The following CIB1 variants were observed in gnomAD, a reference collection of about 807,000 sequenced individuals.
CIB1 encodes the protein calcium and integrin-binding protein 1.
A neutral mutation model predicts 25.0 loss-of-function variants in CIB1; 19 were observed. The observed-to-expected ratio is 0.76, with a 90% CI of 0.53 to 1.12. The LOEUF is 1.12. Among genes scored for constraint, CIB1 ranks in the 50% most tolerant of loss-of-function variants. CIB1 has a pLI of 0.00. For synonymous variants in CIB1, 104 were observed against 98.5 expected (o/e 1.06, Z -0.33); for missense variants, 236 against 242.6 (o/e 0.97, Z 0.18).
chr15:90,262,211 C>T, the CIB1 span: 5 of 1,511,894 alleles, frequency 3.3e-6, no homozygotes, highest in Non-Finnish European at 3.5e-6. Flanking sequence ...CCGACATTCT[C>T]CTCTGCACAC....
the CIB1 span, chr15:90,264,120 A>G: frequency 4.3e-4 from 444 of 1,029,814 alleles, 2 homozygotes; most frequent in African/African-American, 6.5e-3. Context: ...GCAAGCATAG[A>G]GCTTGGATGC....
the CIB1 span, chr15:90,265,177 G>A: frequency 7.7e-7 from 1 of 1,295,884 alleles, no homozygotes; most frequent in Non-Finnish European, 1.0e-6. Flanking sequence ...AGAAGATGAA[G>A]AGGCGCCAAG....
At chr15:90,248,178 C>T in the CIB1 span, among the ~76,000 whole-genome samples, 1 of 152,130 alleles carries the variant, frequency 6.6e-6, no homozygotes, top group Non-Finnish European at 1.5e-5. Flanking sequence ...GTAGCTGGGA[C>T]TACAGGGCCT....
At chr15:90,233,972 G>A, upstream of CIB1, 1 of 1,381,882 alleles carries the variant, frequency 7.2e-7, no homozygotes, top group Non-Finnish European at 9.5e-7. Flanking sequence ...TCACTGCCCG[G>A]TCCCCGCGGC....
chr15:90,235,093 C>G (rs1247498605), upstream of CIB1, among the ~76,000 whole-genome samples: 1 of 152,162 alleles, frequency 6.6e-6, no homozygotes, highest in Non-Finnish European at 1.5e-5. Context: ...CCTATTGGCT[C>G]TCTGTCTTTC....
the CIB1 span, among the ~76,000 whole-genome samples, chr15:90,256,630 CTTCCTTCCTTCT>C: frequency 0.07 from 3,940 of 56,152 alleles, 105 homozygotes; most frequent in African/African-American, 0.13. Context: ...TCCTTCCTTC[CTTCCTTCCTTCT>C]TTCTTTCTCC....
the CIB1 span, among the ~76,000 whole-genome samples, chr15:90,254,785 G>A: frequency 5.9e-5 from 9 of 152,112 alleles, no homozygotes; most frequent in Non-Finnish European, 1.0e-4. Flanking sequence ...GGCAGAGGCC[G>A]CAGTGAGCTG....
chr15:90,264,750 T>C, the CIB1 span: 8 of 1,536,000 alleles, frequency 5.2e-6, no homozygotes, highest in Non-Finnish European at 7.0e-6. Context: ...CTAGAAGCCA[T>C]AAACCGAGTC....
chr15:90,259,747 A>T, the CIB1 span, among the ~76,000 whole-genome samples: 1 of 152,258 alleles, frequency 6.6e-6, no homozygotes, highest in African/African-American at 2.4e-5. Context: ...TGTCATAAAG[A>T]AACACAGAAA....
chr15:90,230,873 G>A (rs1596170069), intron 6 of CIB1, 61 bp downstream of exon 6: 2 of 1,394,602 alleles, frequency 1.4e-6, no homozygotes, highest in African/African-American at 2.8e-5. Flanking sequence ...CATGCCCTAG[G>A]CCCAGAGGCA....
chr15:90,235,416 A>T (rs550977216), upstream of CIB1, among the ~76,000 whole-genome samples: 38 of 152,216 alleles, frequency 2.5e-4, 1 homozygote, highest in South Asian at 5.0e-3. Context: ...AAATACAAAA[A>T]TTAGCCAGAC....
At chr15:90,256,598 TTTCTTTC>T in the CIB1 span, among the ~76,000 whole-genome samples, 12 of 31,314 alleles carry the variant, frequency 3.8e-4, 1 homozygote, top group Non-Finnish European at 5.4e-4. Context: ...TCTTTCTTTC[TTTCTTTC>T]TTTCCTTCCT....
chr15:90,260,623 T>C, the CIB1 span, among the ~76,000 whole-genome samples: 1 of 151,922 alleles, frequency 6.6e-6, no homozygotes, highest in South Asian at 2.1e-4. Context: ...GAGGCTGAGG[T>C]GGGCGGATCA....
chr15:90,247,018 C>T, the CIB1 span, among the ~76,000 whole-genome samples: 1 of 151,044 alleles, frequency 6.6e-6, no homozygotes, highest in Non-Finnish European at 1.5e-5. Context: ...CTGTGTCATC[C>T]AGGCTGGAGT....
the CIB1 span, among the ~76,000 whole-genome samples, chr15:90,252,375 C>A: frequency 6.6e-6 from 1 of 151,412 alleles, no homozygotes; most frequent in Non-Finnish European, 1.5e-5. Flanking sequence ...GAGACAGAGT[C>A]TTGCTATGTT....
At chr15:90,237,713 CT>C (rs770651390), upstream of CIB1, among the ~76,000 whole-genome samples, 2 of 151,394 alleles carry the variant, frequency 1.3e-5, no homozygotes, top group South Asian at 2.1e-4. Flanking sequence ...TTTTTTTCTC[CT>C]TTTTTTGGTT....
At chr15:90,263,597 TTC>T in the CIB1 span, 5 of 577,142 alleles carry the variant, frequency 8.7e-6, no homozygotes, top group South Asian at 6.8e-5. Context: ...CTGTTGGGTC[TTC>T]TGTTTTTGTT....
the CIB1 span, chr15:90,250,844 G>A: frequency 4.3e-6 from 7 of 1,614,050 alleles, no homozygotes; most frequent in African/African-American, 8.0e-5. Context: ...AGTTGACACA[G>A]GCGACTTAGA....
At chr15:90,249,729 G>A in the CIB1 span, 1 of 152,252 alleles carries the variant, frequency 6.6e-6, no homozygotes, top group Non-Finnish European at 1.5e-5. Context: ...GGGAAGAGGG[G>A]ACATGAGCGG....
Sources: gnomAD v4.1 joint callset for allele counts (sites outside exome capture counted in the v4.1 genomes callset) on GRCh38, gnomAD v4.1.1 for gene constraint, MANE v1.5 for transcripts, NCBI Gene and HGNC (gene_info 2026-07-23, HGNC 2026-07-21) for gene names.